ECE2: variants seen among roughly 807,000 people sequenced by gnomAD.
The protein encoded by ECE2 is endothelin converting enzyme 2.
ECE2 carries 81 observed loss-of-function variants against 100.6 expected under a neutral mutation model. The ratio of observed to expected loss-of-function variants is 0.81; its 90% CI spans 0.67 to 0.97. The LOEUF is 0.97. Among genes scored for constraint, ECE2 ranks in the 50% least tolerant of loss-of-function variants. The pLI, the probability that ECE2 is intolerant of heterozygous loss-of-function variation, is 0.00. For synonymous variants in ECE2, 391 were observed against 391.5 expected, an observed-to-expected ratio of 1.00 and a Z score of 0.02; for missense variants, 911 against 988.1, an observed-to-expected ratio of 0.92 and a Z score of 1.05.
chr3:184,280,839 C>G (rs533023429), intron 7 of ECE2, among the ~76,000 whole-genome samples: 1 of 151,910 alleles, frequency 6.6e-6, no homozygotes, highest in Non-Finnish European at 1.5e-5. Flanking sequence ...ATTAGCCCGA[C>G]GTGGTGGCGG....
chr3:184,290,534 G>T (rs1365339904), intron 14 of ECE2, 23 bp from the exon 15 acceptor site: 1 of 1,609,208 alleles, frequency 6.2e-7, no homozygotes, highest in Non-Finnish European at 8.5e-7. Flanking sequence ...GGGAGCCTCA[G>T]CCCCTCACTC....
At chr3:184,287,161 A>C (rs1269397710) in intron 10 of ECE2, among the ~76,000 whole-genome samples, 1 of 151,914 alleles carries the variant, frequency 6.6e-6, no homozygotes, top group African/African-American at 2.4e-5. Context: ...CTTTAGTCTC[A>C]GCTACTCGGG....
intron 10 of ECE2, 111 bp downstream of exon 10, chr3:184,285,703 C>T (rs1721011394): frequency 2.4e-6 from 2 of 821,568 alleles, no homozygotes; most frequent in Non-Finnish European, 4.0e-6. Context: ...TAGTATGGAG[C>T]GCAGAATTTG....
rs1466301899 is a variant in ECE2 at position 184,291,370 on chromosome 3, T to TG, written c.2056dup (p.Glu686GlyfsTer58). ...CTTACAAAGCATGGCTGAGAAAGCA[T>TG]GGGGAGGAGCAGCAACTGCCAGCCG... On this transcript the variant is annotated frameshift_variant, in exon 18 of 19. Transcript: ENST00000404464. LOFTEE classifies it high-confidence loss of function. The surrounding 1 kb of genome is among the most constrained non-coding windows in gnomAD (Gnocchi z 4.1). 1.2e-6 allele frequency: 2 copies of TG among 1,608,772 alleles called. No individual in the cohort carries two copies. The highest frequency in any genetic ancestry group is 2.7e-5 in the African/African-American group (2 of 74,824).
chr3:184,276,067 G>A lies in ECE2; in HGVS notation c.-87G>A, dbSNP rs1312269714. ...CGCGGCGGCCGTGATGGCTGGTGAC[G>A]GCGGGGCCGGGCAGGGGACCGGGGC... On this transcript the variant is annotated 5_prime_UTR_variant, in exon 1 of 19. Coordinates refer to ENST00000404464, the MANE Select transcript of ECE2 (RefSeq NM_001100121.2). The A allele has an allele frequency of 8.3e-7, 1 of 1,207,204 alleles. No homozygotes were observed. The highest frequency in any genetic ancestry group is 4.0e-5 in the South Asian group (1 of 24,820). 74.8% of individuals were successfully genotyped at this position (1,207,204 alleles called of 1,614,324 possible).
chr3:184,285,507 T>C lies in ECE2; in HGVS notation c.1178T>C (p.Leu393Pro). 6.2e-7 allele frequency: 1 copy of C among 1,614,210 alleles called. No individual in the cohort carries two copies. The highest frequency in any genetic ancestry group is 2.2e-5 in the East Asian group (1 of 44,884). Residue 393 changes from leucine to proline, a missense_variant, in exon 10 of 19, where the codon CTG becomes CCG. Transcript: ENST00000404464. ...SILNNYLIWN[L>P]VQKTTSSLDR... Reference sequence around the variant, plus strand: ...CTGAACAATTACCTGATCTGGAACCTGGTGCAAAAGACAACCTCAAGCCTG... The same window carrying C: ...CTGAACAATTACCTGATCTGGAACCCGGTGCAAAAGACAACCTCAAGCCTG...
At chr3:184,276,748 A>G (rs843371) in intron 2 of ECE2, 144 bp from the exon 3 acceptor site, 1,194,231 of 1,552,368 alleles carry the variant, frequency 0.77, 461,512 homozygotes, top group African/African-American at 0.93. Context: ...AACAGACTCA[A>G]GGCTCAACTC....
Position 184,291,208 on chromosome 3 carries a change from G to T in ECE2, c.2003G>T (p.Gly668Val), listed in dbSNP as rs748497361. 7.4e-6 allele frequency: 12 copies of T among 1,612,656 alleles called. No homozygotes were observed. Among genetic ancestry groups the T allele is most frequent in the South Asian group, 2.2e-5 (2 of 90,868 alleles). The change falls in exon 17 of 19, where the codon GGG becomes GTG. Residue 668 changes from glycine (G) to valine (V), a missense_variant. Coordinates refer to ENST00000404464, the MANE Select transcript of ECE2 (RefSeq NM_001100121.2). The surrounding 1 kb of genome is among the most constrained non-coding windows in gnomAD (Gnocchi z 4.1). Reference sequence around the variant, plus strand: ...CTGGGGGAGAACATTGCTGACAACGGGGGGCTGAAGGCTGCCTACAATGTG... The same window carrying T: ...CTGGGGGAGAACATTGCTGACAACGTGGGGCTGAAGGCTGCCTACAATGTG... The part of the protein sequence containing the change: ...QTLGENIADN[G>V]GLKAAYNAYK...
rs771261294 is a variant in ECE2, at chr3:184,291,412, C to G, written c.2094C>G (p.His698Gln). 4 of 1,601,690 alleles carry G rather than the reference C, an allele frequency of 2.5e-6. No individual in the cohort carries two copies. Among genetic ancestry groups the G allele is most frequent in the Non-Finnish European group, 3.4e-6 (4 of 1,173,834 alleles). Residue 698 changes from histidine to glutamine, a missense_variant, in exon 18 of 19, where the codon CAC becomes CAG. Physicochemically the swap from His to Gln is conservative, Grantham distance 24. Coordinates refer to ENST00000404464, the MANE Select transcript of ECE2 (RefSeq NM_001100121.2). The surrounding 1 kb of genome is among the most constrained non-coding windows in gnomAD (Gnocchi z 4.1). ...TGCCAGCCGTGGGGCTCACCAACCACCAGCTCTTCTTCGTGGGATTTGCCC... is the reference window on the plus strand; with the variant it reads ...TGCCAGCCGTGGGGCTCACCAACCAGCAGCTCTTCTTCGTGGGATTTGCCC... Reference protein sequence around the residue: ...QQLPAVGLTNHQLFFVGFAQV... With the variant: ...QQLPAVGLTNQQLFFVGFAQV...
At chr3:184,279,572 G>A (rs1403783943) in intron 7 of ECE2, among the ~76,000 whole-genome samples, 3 of 149,888 alleles carry the variant, frequency 2.0e-5, no homozygotes, top group Admixed American at 1.3e-4. Flanking sequence ...AAAGAGAATC[G>A]CTTGAATCCA....
Position 184,292,165 on chromosome 3 carries a change from G to A in ECE2, c.2225G>A (p.Arg742His), listed in dbSNP as rs767897035. The A allele has an allele frequency of 1.5e-5, 24 of 1,614,012 alleles. No individual in the cohort carries two copies. Among genetic ancestry groups the A allele is most frequent in the South Asian group, 1.4e-4 (13 of 91,090 alleles). ...FRVLGTLSNS[R>H]DFLRHFGCPV... ...GTGCTGGGCACTCTCTCCAACTCCC[G>A]TGACTTCCTGCGGCACTTCGGCTGC... The change falls in exon 19 of 19, where the codon CGT (arginine) becomes CAT (histidine). Residue 742 changes from arginine (R) to histidine (H), a missense_variant. Arg to His is a conservative substitution (Grantham distance 29). Coordinates refer to ENST00000404464, the MANE Select transcript of ECE2 (RefSeq NM_001100121.2).
At chr3:184,282,756 C>A (rs886099658) in intron 7 of ECE2, among the ~76,000 whole-genome samples, 12 of 152,202 alleles carry the variant, frequency 7.9e-5, no homozygotes, top group Non-Finnish European at 1.6e-4. Context: ...GCCGTGTCAT[C>A]TTCCCAAGCT....
At chr3:184,278,595 G>C in intron 7 of ECE2, 38 bp downstream of exon 7, 1 of 1,607,732 alleles carries the variant, frequency 6.2e-7, no homozygotes, top group Non-Finnish European at 8.5e-7. Flanking sequence ...CCTACCCCTG[G>C]CTGAGCTGGG....
At position 184,291,824 on chromosome 3, in the gene ECE2, G is replaced by A; in HGVS notation, c.2122-238G>A. ...GGGCTGCCCAGGAATAGAGTAAGTG[G>A]CAGAGCAAGGACCCAGGCAGAGCCT... is the stretch of plus-strand genomic sequence containing the variant. On this transcript the variant is annotated intron_variant, in intron 18 of 18. Coordinates refer to ENST00000404464, the MANE Select transcript of ECE2 (RefSeq NM_001100121.2). The surrounding 1 kb of genome is among the most constrained non-coding windows in gnomAD (Gnocchi z 4.1). 1.8e-6 allele frequency: 1 copy of A among 563,592 alleles called. No individual in the cohort carries two copies. The highest frequency in any genetic ancestry group is 3.1e-6 in the Non-Finnish European group (1 of 319,156). The allele number at this position is 563,592 out of a possible 1,614,324, so 34.9% of individuals were successfully genotyped here.
chr3:184,282,983 T>TA (rs1377786315), intron 7 of ECE2, among the ~76,000 whole-genome samples: 1 of 152,102 alleles, frequency 6.6e-6, no homozygotes, highest in Admixed American at 6.5e-5. Flanking sequence ...TGGGAGGTAA[T>TA]AGAGGCCTGA....
At position 184,277,004 on chromosome 3, in the gene ECE2, C is replaced by T. The variant is rs554687149; in HGVS notation, c.239C>T (p.Ala80Val). The T allele has an allele frequency of 6.2e-7, 1 of 1,614,004 alleles. No individual in the cohort carries two copies. The highest frequency in any genetic ancestry group is 1.3e-5 in the African/African-American group (1 of 75,038). Residue 80 changes from alanine (A) to valine (V), a missense_variant, in exon 3 of 19, where the codon GCC becomes GTC. Transcript: ENST00000404464. ...LAALLLGCLV[A>V]LGVQYHRDPS... ...GCACTGCTTCTGGGCTGCCTTGTGG[C>T]CCTAGGGGTCCAGTACCACAGAGGT...
At chr3:184,285,826 A>G (rs1253938482) in intron 10 of ECE2, among the ~76,000 whole-genome samples, 5 of 152,208 alleles carry the variant, frequency 3.3e-5, no homozygotes, top group Non-Finnish European at 5.9e-5. Context: ...TAAAGCAGGA[A>G]TAACTTGGAG....
rs1456310732 is a variant in ECE2 at position 184,277,461 on chromosome 3, T to C, written c.473T>C (p.Leu158Pro). The change falls in exon 4 of 19, where the codon CTG becomes CCG. Residue 158 changes from leucine to proline, a missense_variant. Leu to Pro is a moderately conservative substitution (Grantham distance 98, BLOSUM62 -3). Transcript: ENST00000404464. ...WDQNQAILKHLLENTTFNSSS... is the reference protein window; with the variant it reads ...WDQNQAILKHPLENTTFNSSS... ...CAAAACCAGGCCATACTGAAGCACCTGCTTGGTGAGTGGGGCTGTTAGGGA... is the reference window on the plus strand; with the variant it reads ...CAAAACCAGGCCATACTGAAGCACCCGCTTGGTGAGTGGGGCTGTTAGGGA... 6.2e-7 allele frequency: 1 copy of C among 1,614,016 alleles called. No homozygotes were observed. Among genetic ancestry groups the C allele is most frequent in the South Asian group, 1.1e-5 (1 of 91,082 alleles).
intron 7 of ECE2, among the ~76,000 whole-genome samples, chr3:184,279,096 G>C (rs1442614727): frequency 6.6e-6 from 1 of 152,030 alleles, no homozygotes; most frequent in Non-Finnish European, 1.5e-5. Context: ...GATCACCTGA[G>C]GTCAGGAGTT....
Sources: allele counts gnomAD v4.1 joint callset (sites outside exome capture counted in the v4.1 genomes callset), GRCh38; gene constraint gnomAD v4.1.1; non-coding constraint Gnocchi (gnomAD v3.1); transcripts MANE v1.5; gene names NCBI Gene and HGNC (gene_info 2026-07-23, HGNC 2026-07-21).